PCDH15: variants seen among roughly 807,000 people sequenced by gnomAD.
The protein encoded by PCDH15 is protocadherin-15.
In PCDH15, 129 loss-of-function variants were observed where a neutral mutation model predicts 178.5. The observed-to-expected ratio is 0.72, with a 90% confidence interval of 0.63 to 0.84. PCDH15 has a LOEUF of 0.84. Among genes scored for constraint, PCDH15 ranks in the 40% least tolerant of loss-of-function variants. The pLI is 0.00. For synonymous variants in PCDH15, 800 were observed against 732.0 expected (o/e 1.09, Z -1.50); for missense variants, 2,230 against 2,099.9 (o/e 1.06, Z -1.21).
intron 3 of PCDH15, among the ~76,000 whole-genome samples, chr10:54,502,169 C>A (rs1589746269): frequency 6.6e-6 from 1 of 151,932 alleles, no homozygotes; most frequent in East Asian, 1.9e-4. Context: ...TTGCCTAGAG[C>A]AAGATAACAT....
At position 53,995,648 on chromosome 10, in the gene PCDH15, C is replaced by T. The variant is rs1589821731; in HGVS notation, c.2868+1G>A. ...AATATTAATCAATGCCTTCTACTTA[C>T]AGGAGGGTCTGCATCTTCAGCATAA... On this transcript the variant is annotated splice_donor_variant, in intron 21 of 37. Transcript: ENST00000644397. LOFTEE classifies it high-confidence loss of function. 1 of 1,613,844 alleles carries T rather than the reference C, an allele frequency of 6.2e-7. No individual in the cohort carries two copies. Among genetic ancestry groups the T allele is most frequent in the Non-Finnish European group, 8.5e-7 (1 of 1,179,758 alleles).
chr10:55,567,701 C>G (rs1385874867), intron 2 of PCDH15, among the ~76,000 whole-genome samples: 2 of 151,866 alleles, frequency 1.3e-5, no homozygotes, highest in Admixed American at 6.6e-5. Context: ...CTCAACATCA[C>G]TAATCATTAG....
intron 26 of PCDH15, among the ~76,000 whole-genome samples, chr10:53,896,721 T>C (rs1324497108): frequency 6.6e-6 from 1 of 152,138 alleles, no homozygotes; most frequent in Non-Finnish European, 1.5e-5. Context: ...CTCTGCCTCC[T>C]GTAAGATCAG....
intron 2 of PCDH15, among the ~76,000 whole-genome samples, chr10:54,655,288 GAGAGAGAGAGAGAGAC>G (rs1565866133): frequency 9.7e-4 from 124 of 127,250 alleles, no homozygotes; most frequent in Middle Eastern, 3.9e-3. Flanking sequence ...GAGAGAGAGA[GAGAGAGAGAGAGAGAC>G]AGAGAGAGAG....
At chr10:55,387,948 C>A (rs536243250) in intron 2 of PCDH15, among the ~76,000 whole-genome samples, 9 of 151,430 alleles carry the variant, frequency 5.9e-5, no homozygotes, top group African/African-American at 2.2e-4. Context: ...CTAAATATGT[C>A]TTCTACCTCA....
chr10:55,316,489 TTAA>T (rs1406965758), intron 1 of PCDH15, among the ~76,000 whole-genome samples: 40 of 152,140 alleles, frequency 2.6e-4, no homozygotes, highest in Non-Finnish European at 1.9e-4. Context: ...TTGCAGGATA[TTAA>T]TAATATTTAT....
chr10:54,251,269 A>G (rs1041793047), intron 8 of PCDH15, among the ~76,000 whole-genome samples: 3 of 152,182 alleles, frequency 2.0e-5, no homozygotes, highest in Non-Finnish European at 2.9e-5. Context: ...GGATTTTCCA[A>G]GTATTTGTCT....
intron 23 of PCDH15, among the ~76,000 whole-genome samples, chr10:53,951,514 C>A (rs1425725142): frequency 6.6e-6 from 1 of 152,166 alleles, no homozygotes; most frequent in Non-Finnish European, 1.5e-5. Context: ...ACACTAATAT[C>A]ATTGTTATAT....
chr10:54,164,230 T>C (rs189764701), intron 13 of PCDH15, among the ~76,000 whole-genome samples: 39 of 152,302 alleles, frequency 2.6e-4, no homozygotes, highest in Non-Finnish European at 4.3e-4. Flanking sequence ...GAAAAGTCTA[T>C]TTTTTGCTAG....
intron 2 of PCDH15, among the ~76,000 whole-genome samples, chr10:55,579,371 T>C (rs1842561549): frequency 6.6e-6 from 1 of 152,182 alleles, no homozygotes; most frequent in Non-Finnish European, 1.5e-5. Flanking sequence ...GCTTCAAACA[T>C]CAGCTCCTTC....
intron 2 of PCDH15, among the ~76,000 whole-genome samples, chr10:55,050,488 A>G (rs1841132216): frequency 6.6e-6 from 1 of 152,042 alleles, no homozygotes; most frequent in South Asian, 2.1e-4. Context: ...TTTTAATATA[A>G]TAACAAAGTA....
intron 3 of PCDH15, among the ~76,000 whole-genome samples, chr10:54,433,570 G>A (rs568108233): frequency 6.6e-6 from 1 of 152,200 alleles, no homozygotes; most frequent in Non-Finnish European, 1.5e-5. Flanking sequence ...TGGGGGTGGA[G>A]GGAGGTGGTT....
chr10:55,394,981 G>T (rs911836985), intron 2 of PCDH15, among the ~76,000 whole-genome samples: 6 of 151,890 alleles, frequency 4.0e-5, no homozygotes, highest in South Asian at 2.1e-4. Flanking sequence ...CTTAACTTGG[G>T]CAACGTGAAT....
At chr10:53,938,556 C>T (rs1268013780) in intron 25 of PCDH15, among the ~76,000 whole-genome samples, 1 of 152,124 alleles carries the variant, frequency 6.6e-6, no homozygotes, top group Non-Finnish European at 1.5e-5. Flanking sequence ...TTAACATACA[C>T]AGACAATGGT....
At chr10:54,917,260 C>G (rs1837359161) in intron 2 of PCDH15, among the ~76,000 whole-genome samples, 1 of 152,070 alleles carries the variant, frequency 6.6e-6, no homozygotes, top group Non-Finnish European at 1.5e-5. Flanking sequence ...TAGCCAATAG[C>G]CTTTTTGTCA....
chr10:54,371,934 T>C (rs1355855775), intron 4 of PCDH15, among the ~76,000 whole-genome samples: 2 of 151,736 alleles, frequency 1.3e-5, no homozygotes, highest in Non-Finnish European at 2.9e-5. Flanking sequence ...ACAAGACCCA[T>C]CACTGAAATA....
At chr10:54,314,153 ACACACACACACG>A (rs1211349264) in intron 8 of PCDH15, among the ~76,000 whole-genome samples, 138 of 151,690 alleles carry the variant, frequency 9.1e-4, no homozygotes, top group Non-Finnish European at 1.6e-3. Flanking sequence ...ACACACACAC[ACACACACACACG>A]CAATACAGAG....
chr10:55,153,003 A>C (rs2799584), intron 2 of PCDH15, among the ~76,000 whole-genome samples: 136,864 of 151,640 alleles, frequency 0.9, 62,437 homozygotes, highest in Non-Finnish European at 0.97. Context: ...GAAAGCCATA[A>C]CTAATAAATA....
intron 20 of PCDH15, among the ~76,000 whole-genome samples, chr10:54,014,347 G>GAT (rs1428286378): frequency 4.1e-5 from 5 of 122,514 alleles, no homozygotes; most frequent in Admixed American, 1.7e-4. Context: ...TGTATAAAGA[G>GAT]CTGGTACCAT....
Sources: allele counts gnomAD v4.1 joint callset (sites outside exome capture counted in the v4.1 genomes callset), GRCh38; gene constraint gnomAD v4.1.1; transcripts MANE v1.5; gene names NCBI Gene and HGNC (gene_info 2026-07-23, HGNC 2026-07-21).